The following CHD9 variants were observed in gnomAD, a reference collection of about 807,000 sequenced individuals.
CHD9 encodes ATP-dependent chromatin remodeler CHD9.
A neutral mutation model predicts 316.1 loss-of-function variants in CHD9; 77 were observed. The observed-to-expected ratio is 0.24, with a 90% CI of 0.20 to 0.29. CHD9 has a LOEUF of 0.29. Among genes scored for constraint, CHD9 ranks in the 10% least tolerant of loss-of-function variants. The pLI is 1.00. For synonymous variants in CHD9, 1,129 were observed against 1,158.3 expected (o/e 0.97, Z 0.51); for missense variants, 2,763 against 3,438.1 (o/e 0.80, Z 4.91).
At position 53,163,454 on chromosome 16, in the gene CHD9, C is replaced by T. The variant is rs140165181; in HGVS notation, c.1452+5913C>T. Among the ~76,000 whole-genome samples, 17 of 152,296 alleles carry T rather than the reference C, an allele frequency of 1.1e-4. No homozygotes were observed. In the East Asian group the frequency reaches 3.3e-3, roughly 29 times the overall value. Reference sequence around the variant, plus strand: ...TGAACTACCGACCTCAGGTGATCTGCCTGCCTCGGCCTCCCAAAGTGCTGG... The same window carrying T: ...TGAACTACCGACCTCAGGTGATCTGTCTGCCTCGGCCTCCCAAAGTGCTGG... On this transcript the variant is annotated intron_variant, in intron 2 of 38. Coordinates refer to ENST00000447540, the MANE Select transcript of CHD9 (RefSeq NM_001308319.2).
At chr16:53,108,558 A>AGATG (rs1408117173) in intron 1 of CHD9, among the ~76,000 whole-genome samples, 7 of 142,312 alleles carry the variant, frequency 4.9e-5, no homozygotes, top group South Asian at 2.3e-4. Flanking sequence ...ATAGATAGAT[A>AGATG]GATGCAGATA....
chr16:53,167,790 T>A (rs2042373892), intron 2 of CHD9, among the ~76,000 whole-genome samples: 1 of 151,410 alleles, frequency 6.6e-6, no homozygotes, highest in South Asian at 2.1e-4. Flanking sequence ...TAGTTTCTAT[T>A]CTACCTATAT....
intron 1 of CHD9, among the ~76,000 whole-genome samples, chr16:53,117,714 C>T (rs943529236): frequency 7.2e-5 from 11 of 152,060 alleles, no homozygotes; most frequent in African/African-American, 2.7e-4. Context: ...TTGCACCCGG[C>T]CTGACATACT....
In CHD9 at chr16:53,095,251, A is replaced by G. The variant is rs965684120; in HGVS notation, c.-165+40174A>G. ...TTAGATTTGTTGTTTTTTCTTGTGTAAAGGAATATCCTGGCTAGGCGCAGT... is the reference window on the plus strand; with the variant it reads ...TTAGATTTGTTGTTTTTTCTTGTGTGAAGGAATATCCTGGCTAGGCGCAGT... On this transcript the variant is annotated intron_variant, in intron 1 of 38. Coordinates refer to ENST00000447540, the MANE Select transcript of CHD9 (RefSeq NM_001308319.2). Among the ~76,000 whole-genome samples, 3 of 152,186 alleles carry G rather than the reference A, an allele frequency of 2.0e-5. No homozygotes were observed. In the South Asian group the frequency reaches 6.2e-4, roughly 32 times the overall value.
Position 53,206,293 on chromosome 16 carries a change from CT to C in CHD9, c.1453-3187del, listed in dbSNP as rs568198463. 1.1e-3 allele frequency among the ~76,000 whole-genome samples: 160 copies of C among 151,268 alleles called. 1 individual carries two copies. The highest frequency in any genetic ancestry group is 3.7e-3 in the African/African-American group (153 of 41,118). ...TTGGTCGAGAAACCAAGTGCTGGCTCTTCCTGCTCCTCAGCCATGCCTCACC... is the reference window on the plus strand; with the variant it reads ...TTGGTCGAGAAACCAAGTGCTGGCTCTCCTGCTCCTCAGCCATGCCTCACC... On this transcript the variant is annotated intron_variant, in intron 2 of 38. Transcript: ENST00000447540.
At chr16:53,224,319 C>G (rs913802243) in intron 4 of CHD9, among the ~76,000 whole-genome samples, 2 of 152,134 alleles carry the variant, frequency 1.3e-5, no homozygotes, top group African/African-American at 4.8e-5. Flanking sequence ...TAGCGACGTT[C>G]TATGGTGAAG....
Position 53,231,738 on chromosome 16 carries a change from A to G in CHD9, c.2465A>G (p.Glu822Gly). ...GAAGATGTAGATCTTGCAAAAATAG[A>G]AGAGTTTGAACAACTGCAAGCTTCA... ...LKEDVDLAKI[E>G]EFEQLQASRP... Residue 822 changes from glutamate to glycine, a missense_variant, in exon 10 of 39, where the codon GAA becomes GGA. By Grantham distance (98) the Glu-to-Gly change is moderately conservative. Coordinates refer to ENST00000447540, the MANE Select transcript of CHD9 (RefSeq NM_001308319.2). 1 of 1,612,134 alleles carries G rather than the reference A, an allele frequency of 6.2e-7. No individual in the cohort carries two copies. Among genetic ancestry groups the G allele is most frequent in the East Asian group, 2.2e-5 (1 of 44,786 alleles).
intron 29 of CHD9, among the ~76,000 whole-genome samples, chr16:53,295,452 C>G (rs2054694659): frequency 6.6e-6 from 1 of 152,120 alleles, no homozygotes; most frequent in African/African-American, 2.4e-5. Context: ...TTTAACCAGT[C>G]TAGCTCACAG....
chr16:53,083,139 C>A (rs985402598), intron 1 of CHD9, among the ~76,000 whole-genome samples: 33 of 152,284 alleles, frequency 2.2e-4, no homozygotes, highest in Admixed American at 7.8e-4. Flanking sequence ...CAAAGGTCCC[C>A]ATAGGAGGGT....
Position 53,226,370 on chromosome 16 carries a change from G to A in CHD9, c.1901G>A (p.Arg634Lys). The change falls in exon 5 of 39, where the codon AGA (arginine) becomes AAA (lysine). Residue 634 changes from arginine (R) to lysine (K), a missense_variant. Arg to Lys is a conservative substitution (Grantham distance 26). Around this residue, in one of 15 missense-constraint regions of CHD9, gnomAD observed 859 missense variants for 890.4 expected, o/e 0.96. Transcript: ENST00000447540. ...HTLKDQDSQK[R>K]RSNRQIKRKK... The stretch of plus-strand genomic sequence containing the variant: ...GATTCTTGTGGTTCATTACAGAAAA[G>A]AAGATCAAATCGACAAATTAAAAGA... The A allele has an allele frequency of 6.4e-7, 1 of 1,552,512 alleles. No individual in the cohort carries two copies. Among genetic ancestry groups the A allele is most frequent in the Non-Finnish European group, 8.7e-7 (1 of 1,151,776 alleles).
chr16:53,152,439 C>G (rs2041198028), intron 1 of CHD9, among the ~76,000 whole-genome samples: 1 of 152,138 alleles, frequency 6.6e-6, no homozygotes, highest in Non-Finnish European at 1.5e-5. Flanking sequence ...CTCTCTCATG[C>G]TTGGCTTTTT....
chr16:53,088,275 C>CTTTTTTTTTTTTTTTTTTTTTTTTT lies in CHD9; in HGVS notation c.-165+33201_-165+33202insTTTTTTTTTTTTTTTTTTTTTTTTT, dbSNP rs35052198. On this transcript the variant is annotated intron_variant, in intron 1 of 38. Coordinates refer to ENST00000447540, the MANE Select transcript of CHD9 (RefSeq NM_001308319.2). ...CTGTAATCAAGGAAAATGACATGCA[C>CTTTTTTTTTTTTTTTTTTTTTTTTT]TTTGTTTTTTTTTTTTTTTTGAGAT... 3.9e-5 allele frequency among the ~76,000 whole-genome samples: 5 copies of CTTTTTTTTTTTTTTTTTTTTTTTTT among 127,050 alleles called. 2 individuals are homozygous for CTTTTTTTTTTTTTTTTTTTTTTTTT. The highest frequency in any genetic ancestry group is 3.0e-5 in the African/African-American group (1 of 33,406). 83.3% of individuals were successfully genotyped at this position (127,050 alleles called of 152,430 possible).
chr16:53,057,153 A>T (rs1321598744), intron 1 of CHD9, among the ~76,000 whole-genome samples: 2 of 151,964 alleles, frequency 1.3e-5, no homozygotes, highest in Non-Finnish European at 2.9e-5. Flanking sequence ...TCTTTATTTT[A>T]AAAATTATAT....
chr16:53,115,555 C>T (rs1398837213), intron 1 of CHD9, among the ~76,000 whole-genome samples: 1 of 152,194 alleles, frequency 6.6e-6, no homozygotes, highest in Non-Finnish European at 1.5e-5. Flanking sequence ...GCTTCAGAAC[C>T]TCTAATAAAG....
In CHD9 at chr16:53,267,909, T is replaced by C. The variant is rs377624340; in HGVS notation, c.4518-18T>C. Reference sequence around the variant, plus strand: ...GAACTTGACTCAATATCAATGTAACTATACCTTTTTTAACCAGGTGGGGCC... The same window carrying C: ...GAACTTGACTCAATATCAATGTAACCATACCTTTTTTAACCAGGTGGGGCC... On this transcript the variant is annotated intron_variant, in intron 21 of 38. Coordinates refer to ENST00000447540, the MANE Select transcript of CHD9 (RefSeq NM_001308319.2). The C allele has an allele frequency of 1.2e-6, 2 of 1,607,458 alleles. No individual in the cohort carries two copies. Among genetic ancestry groups the C allele is most frequent in the Non-Finnish European group, 1.7e-6 (2 of 1,174,406 alleles).
At chr16:53,199,049 A>C (rs2045213916) in intron 2 of CHD9, among the ~76,000 whole-genome samples, 1 of 151,798 alleles carries the variant, frequency 6.6e-6, no homozygotes, top group Admixed American at 6.6e-5. Flanking sequence ...AGCATTACTC[A>C]GAGTTAGCCA....
Position 53,140,460 on chromosome 16 carries a change from G to T in CHD9, c.-164-15466G>T, listed in dbSNP as rs8061804. On this transcript the variant is annotated intron_variant, in intron 1 of 38. Coordinates refer to ENST00000447540, the MANE Select transcript of CHD9 (RefSeq NM_001308319.2). Reference sequence around the variant, plus strand: ...AATATTTAGATTTGATTTTGTTTGGGTGTAATGTTCAGGACCACTTCAGTT... The same window carrying T: ...AATATTTAGATTTGATTTTGTTTGGTTGTAATGTTCAGGACCACTTCAGTT... Among the ~76,000 whole-genome samples, 370 of 151,758 alleles carry T rather than the reference G, an allele frequency of 2.4e-3. 2 individuals carry two copies. The highest frequency in any genetic ancestry group is 8.0e-3 in the African/African-American group (331 of 41,412).
chr16:53,250,964 A>G (rs1362129574), intron 17 of CHD9, among the ~76,000 whole-genome samples: 3 of 152,240 alleles, frequency 2.0e-5, no homozygotes, highest in African/African-American at 7.2e-5. Context: ...AATATAATAA[A>G]TGGTTATTGA....
chr16:53,308,673 A>G lies in CHD9; in HGVS notation c.7054-13A>G. On this transcript the variant is annotated splice_polypyrimidine_tract_variant and intron_variant, in intron 33 of 38. Coordinates refer to ENST00000447540, the MANE Select transcript of CHD9 (RefSeq NM_001308319.2). The stretch of plus-strand genomic sequence containing the variant: ...TAACAGTTTCTGTCTTAATAATGGT[A>G]TTTGTTTAACAGGAAGGTGGTTTGA... 6.3e-7 allele frequency: 1 copy of G among 1,599,914 alleles called. No individual in the cohort carries two copies. The highest frequency in any genetic ancestry group is 1.1e-5 in the South Asian group (1 of 89,722).
Sources: gnomAD v4.1 joint callset for allele counts (sites outside exome capture counted in the v4.1 genomes callset) on GRCh38, gnomAD v4.1.1 for gene constraint, gnomAD v4.1.1 regional missense constraint, MANE v1.5 for transcripts, NCBI Gene and HGNC (gene_info 2026-07-23, HGNC 2026-07-21) for gene names.